Variants in KIF4A observed in about 807,000 individuals in gnomAD.
KIF4A encodes the protein kinesin family member 4A.
A neutral mutation model predicts 105.9 loss-of-function variants in KIF4A; 7 were observed. The observed-to-expected ratio is 0.07, with a 90% confidence interval of 0.04 to 0.12. KIF4A has a LOEUF of 0.12. Ranked by LOEUF, KIF4A falls within the 10% of genes least tolerant of loss-of-function variation. KIF4A has a pLI of 1.00. For synonymous variants in KIF4A, 281 were observed against 331.3 expected, an observed-to-expected ratio of 0.85 and a Z score of 1.65; for missense variants, 558 against 929.2, an observed-to-expected ratio of 0.60 and a Z score of 5.19.
rs370263339 is a variant in KIF4A, at chrX:70,329,556, A to G, written c.895+35A>G. 58 of 1,083,969 alleles carry G rather than the reference A, an allele frequency of 5.4e-5. 1 individual carries two copies. The South Asian group carries it at 9.5e-4, about 18-fold the overall frequency. The allele number at this position is 1,083,969 out of a possible 1,213,427, so 89.3% of individuals were successfully genotyped here. On this transcript the variant is annotated intron_variant, in intron 8 of 30. Coordinates refer to ENST00000374403, the MANE Select transcript of KIF4A (RefSeq NM_012310.5). ...AAGTGCCTCCAAAAATAAGAGAGTA[A>G]CTCAAAATGATAGTGCTGAGACAGC...
At chrX:70,342,182 A>G (rs942918286) in intron 11 of KIF4A, among the ~76,000 whole-genome samples, 1 of 112,454 alleles carries the variant, frequency 8.9e-6, no homozygotes, top group African/African-American at 3.2e-5. Context: ...CCCATTTTAA[A>G]ATAGATTCAT....
At chrX:70,373,531 T>TAC (rs2086151893) in intron 15 of KIF4A, among the ~76,000 whole-genome samples, 1 of 32,834 alleles carries the variant, frequency 3.0e-5, no homozygotes, top group African/African-American at 2.9e-4. Flanking sequence ...TATGTATATA[T>TAC]ATATATATAT....
At chrX:70,371,110 G>A (rs143513521) in intron 15 of KIF4A, among the ~76,000 whole-genome samples, 57 of 110,519 alleles carry the variant, frequency 5.2e-4, no homozygotes, top group African/African-American at 1.5e-3. Context: ...GGTCTAGGGC[G>A]TGCATATAAT....
intron 7 of KIF4A, among the ~76,000 whole-genome samples, chrX:70,323,180 G>A (rs779785211): frequency 9.0e-6 from 1 of 110,575 alleles, no homozygotes; most frequent in Non-Finnish European, 1.9e-5. Flanking sequence ...TCAAATTTGC[G>A]CTCAGTCCCA....
intron 7 of KIF4A, among the ~76,000 whole-genome samples, chrX:70,312,140 C>CTTTTTTTTTTT (rs527848699): frequency 1.3e-5 from 1 of 78,087 alleles, no homozygotes; most frequent in Non-Finnish European, 2.5e-5. Flanking sequence ...TTTTAAATGT[C>CTTTTTTTTTTT]TTTTTTTTTT....
intron 28 of KIF4A, among the ~76,000 whole-genome samples, chrX:70,412,156 A>G (rs1412348415): frequency 8.9e-6 from 1 of 111,928 alleles, no homozygotes; most frequent in African/African-American, 3.3e-5. Context: ...TCTGTCATGT[A>G]TGTCATGACT....
intron 25 of KIF4A, 79 bp from the exon 26 acceptor site, chrX:70,405,749 T>C: frequency 2.8e-6 from 2 of 710,780 alleles, no homozygotes; most frequent in Non-Finnish European, 4.5e-6. Context: ...GCAGTATGTT[T>C]TCATCTATGT....
intron 7 of KIF4A, among the ~76,000 whole-genome samples, chrX:70,322,242 A>G (rs1040858904): frequency 3.6e-5 from 4 of 110,159 alleles, no homozygotes; most frequent in African/African-American, 1.3e-4. Context: ...TCCCACATGT[A>G]TCTCCCATTC....
chrX:70,386,277 T>C (rs5980921), intron 18 of KIF4A, among the ~76,000 whole-genome samples: 1,816 of 111,324 alleles, frequency 0.016, 36 homozygotes, highest in African/African-American at 0.056. Flanking sequence ...GAATCCCACC[T>C]CTGTCAATAA....
chrX:70,317,398 T>C (rs2085873451), intron 7 of KIF4A, among the ~76,000 whole-genome samples: 2 of 111,241 alleles, frequency 1.8e-5, no homozygotes, highest in African/African-American at 6.5e-5. Context: ...TAATAAATGA[T>C]TATAAAGTAA....
intron 15 of KIF4A, among the ~76,000 whole-genome samples, chrX:70,369,171 G>T (rs2086119064): frequency 8.9e-6 from 1 of 112,320 alleles, no homozygotes; most frequent in Non-Finnish European, 1.9e-5. Flanking sequence ...GCTAGGAAGG[G>T]GAATTCTGTG....
intron 22 of KIF4A, among the ~76,000 whole-genome samples, chrX:70,398,004 CA>C (rs2086266826): frequency 9.0e-6 from 1 of 111,434 alleles, no homozygotes; most frequent in African/African-American, 3.3e-5. Flanking sequence ...AGTTACAAAT[CA>C]GGGCTGGGGT....
At chrX:70,300,646 TAA>T (rs1421983476) in intron 5 of KIF4A, among the ~76,000 whole-genome samples, 1 of 111,822 alleles carries the variant, frequency 8.9e-6, no homozygotes, top group Non-Finnish European at 1.9e-5. Flanking sequence ...GAAGCCGGGC[TAA>T]AGAGCTTAGT....
chrX:70,341,229 A>G (rs973815117), intron 10 of KIF4A, among the ~76,000 whole-genome samples: 3 of 111,877 alleles, frequency 2.7e-5, no homozygotes, highest in African/African-American at 9.7e-5. Flanking sequence ...AGAATTGTGA[A>G]ATGTTTTCTG....
At chrX:70,417,828 A>G in intron 28 of KIF4A, 60 bp from the exon 29 acceptor site, 1 of 952,419 alleles carries the variant, frequency 1.0e-6, no homozygotes, top group African/African-American at 1.9e-5. Context: ...AAGGGAAGTC[A>G]TTTTAAACTA....
At chrX:70,417,738 C>T in intron 28 of KIF4A, 150 bp from the exon 29 acceptor site, 1 of 396,306 alleles carries the variant, frequency 2.5e-6, no homozygotes, top group Admixed American at 4.7e-5. Flanking sequence ...ATTGTTTTCA[C>T]CAAAGAAGAG....
At chrX:70,413,703 G>A (rs2086332082) in intron 28 of KIF4A, among the ~76,000 whole-genome samples, 1 of 110,156 alleles carries the variant, frequency 9.1e-6, no homozygotes, top group African/African-American at 3.3e-5. Flanking sequence ...CACTTTGGGA[G>A]GCTGAGGTGG....
chrX:70,305,144 ACT>A (rs1030329403), intron 7 of KIF4A, among the ~76,000 whole-genome samples: 4 of 111,021 alleles, frequency 3.6e-5, no homozygotes, highest in African/African-American at 6.5e-5. Context: ...TCATATGGTA[ACT>A]CTGTTTAACT....
chrX:70,410,430 A>G (rs2086317285), intron 28 of KIF4A, among the ~76,000 whole-genome samples: 1 of 111,884 alleles, frequency 8.9e-6, no homozygotes, highest in African/African-American at 3.3e-5. Flanking sequence ...TAGAAGCCAG[A>G]TAGACATGGG....
Sources: allele counts gnomAD v4.1 joint callset (sites outside exome capture counted in the v4.1 genomes callset), GRCh38; gene constraint gnomAD v4.1.1; transcripts MANE v1.5; gene names NCBI Gene and HGNC (gene_info 2026-07-23, HGNC 2026-07-21).